DTD1: variants seen among roughly 807,000 people sequenced by gnomAD.
DTD1 encodes D-tyrosyl-tRNA deacylase 1 homolog.
DTD1 carries 13 observed loss-of-function variants against 25.6 expected under a neutral mutation model. The ratio of observed to expected loss-of-function variants is 0.51; its 90% CI spans 0.33 to 0.81. The LOEUF (loss-of-function observed/expected upper bound fraction) is 0.81, where lower values mean the gene tolerates loss of function less well. DTD1 is among the 30% of genes least tolerant of loss of function. The pLI is 0.02. For missense variants in DTD1, 193 were observed against 266.4 expected, an observed-to-expected ratio of 0.72 and a Z score of 1.92; for synonymous variants, 110 against 103.6, an observed-to-expected ratio of 1.06 and a Z score of -0.37.
At chr20:18,642,075 C>T (rs1200339587) in intron 4 of DTD1, among the ~76,000 whole-genome samples, 1 of 152,168 alleles carries the variant, frequency 6.6e-6, no homozygotes, top group Non-Finnish European at 1.5e-5. Context: ...TACTTGCAGA[C>T]AGGTTGGGAG....
intron 4 of DTD1, among the ~76,000 whole-genome samples, chr20:18,738,497 G>T (rs546941101): frequency 2.6e-5 from 4 of 152,224 alleles, no homozygotes; most frequent in African/African-American, 9.6e-5. Flanking sequence ...AGAGACTTCT[G>T]TGCACCTCTG....
At chr20:18,660,935 AT>A (rs2060907411) in intron 4 of DTD1, among the ~76,000 whole-genome samples, 1 of 152,208 alleles carries the variant, frequency 6.6e-6, no homozygotes, top group Non-Finnish European at 1.5e-5. Flanking sequence ...CCCAACCAGG[AT>A]ATTGACAGTG....
intron 4 of DTD1, among the ~76,000 whole-genome samples, chr20:18,724,593 G>A (rs1403680088): frequency 6.6e-6 from 1 of 152,098 alleles, no homozygotes; most frequent in Non-Finnish European, 1.5e-5. Flanking sequence ...TATAAAGATG[G>A]ACTATAATGT....
chr20:18,676,339 A>G (rs998052678), intron 4 of DTD1, among the ~76,000 whole-genome samples: 2 of 152,226 alleles, frequency 1.3e-5, no homozygotes, highest in African/African-American at 2.4e-5. Flanking sequence ...CCAATTTGGT[A>G]GAATAAAAAA....
intron 4 of DTD1, among the ~76,000 whole-genome samples, chr20:18,661,573 G>T (rs148814932): frequency 2.0e-5 from 3 of 152,006 alleles, no homozygotes; most frequent in East Asian, 3.9e-4. Flanking sequence ...GGGTTTCACC[G>T]TGTTAGCCAG....
At chr20:18,631,140 G>T in intron 4 of DTD1, 2 of 985,462 alleles carry the variant, frequency 2.0e-6, no homozygotes, top group Non-Finnish European at 2.4e-6. Context: ...CATTGACTCT[G>T]CTTCTCTATC....
intron 4 of DTD1, among the ~76,000 whole-genome samples, chr20:18,635,270 T>C (rs547021221): frequency 1.2e-4 from 19 of 152,354 alleles, no homozygotes; most frequent in Non-Finnish European, 2.1e-4. Context: ...TATGCTGAAG[T>C]ATCACCAAAA....
chr20:18,613,200 C>T (rs2060694786), intron 3 of DTD1, among the ~76,000 whole-genome samples: 1 of 152,148 alleles, frequency 6.6e-6, no homozygotes. Context: ...ACTTATCCAT[C>T]AATAAGACAC....
chr20:18,736,195 T>G (rs1382870557), intron 4 of DTD1, among the ~76,000 whole-genome samples: 2 of 152,084 alleles, frequency 1.3e-5, no homozygotes, highest in Admixed American at 6.5e-5. Flanking sequence ...CTGAGAGAGA[T>G]ATGGGGGTGA....
chr20:18,650,028 C>T (rs867903411), intron 4 of DTD1, among the ~76,000 whole-genome samples: 5 of 152,232 alleles, frequency 3.3e-5, no homozygotes, highest in Middle Eastern at 6.8e-3. Context: ...GGCTGGGCAA[C>T]ACAGGGAGAC....
intron 4 of DTD1, among the ~76,000 whole-genome samples, chr20:18,708,209 T>TAC (rs1600382756): frequency 2.9e-4 from 2 of 6,982 alleles, no homozygotes; most frequent in Admixed American, 2.4e-3. Context: ...ATATATATTT[T>TAC]ATATATATAA....
At chr20:18,652,478 A>C (rs1056303133) in intron 4 of DTD1, among the ~76,000 whole-genome samples, 3 of 152,164 alleles carry the variant, frequency 2.0e-5, no homozygotes, top group Non-Finnish European at 4.4e-5. Context: ...GGAGGGGCCC[A>C]TCCAGCTTTT....
chr20:18,742,779 A>C (rs2061283643), intron 4 of DTD1, among the ~76,000 whole-genome samples: 1 of 152,170 alleles, frequency 6.6e-6, no homozygotes, highest in South Asian at 2.1e-4. Context: ...TTGGTTGTTC[A>C]TCTCTCGAAG....
At chr20:18,647,383 C>T (rs1011303528) in intron 4 of DTD1, among the ~76,000 whole-genome samples, 6 of 152,058 alleles carry the variant, frequency 3.9e-5, no homozygotes, top group African/African-American at 1.4e-4. Context: ...GGGGCAGTTC[C>T]GAGAGGATGT....
chr20:18,634,011 A>G (rs914035170), intron 4 of DTD1, among the ~76,000 whole-genome samples: 1 of 152,238 alleles, frequency 6.6e-6, no homozygotes, highest in African/African-American at 2.4e-5. Context: ...ACATATTTCC[A>G]AAGGGAACAG....
intron 4 of DTD1, among the ~76,000 whole-genome samples, chr20:18,683,998 A>C (rs972616597): frequency 6.6e-6 from 1 of 152,122 alleles, no homozygotes; most frequent in Non-Finnish European, 1.5e-5. Flanking sequence ...CAAAGCTCAG[A>C]TGAGGCTCTG....
At chr20:18,705,568 C>T (rs114680721) in intron 4 of DTD1, among the ~76,000 whole-genome samples, 1,877 of 152,232 alleles carry the variant, frequency 0.012, 40 homozygotes, top group African/African-American at 0.042. Context: ...AGTGCCTTTA[C>T]TCCTGTGCTT....
At chr20:18,735,993 C>T (rs1466907907) in intron 4 of DTD1, among the ~76,000 whole-genome samples, 12 of 151,982 alleles carry the variant, frequency 7.9e-5, no homozygotes, top group Admixed American at 7.9e-4. Context: ...TTATGTGTGG[C>T]CCAAGACAAT....
At chr20:18,635,694 T>C (rs1262480954) in intron 4 of DTD1, among the ~76,000 whole-genome samples, 2 of 152,228 alleles carry the variant, frequency 1.3e-5, no homozygotes, top group East Asian at 3.8e-4. Context: ...TGGAGAGCTG[T>C]AAGGGATCAC....
Sources: allele counts gnomAD v4.1 joint callset (sites outside exome capture counted in the v4.1 genomes callset), GRCh38; gene constraint gnomAD v4.1.1; transcripts MANE v1.5; gene names NCBI Gene and HGNC (gene_info 2026-07-23, HGNC 2026-07-21).